FUT9: variants seen among roughly 807,000 people sequenced by gnomAD.
FUT9 encodes the protein fucosyltransferase 9.
In FUT9, 15 loss-of-function variants were observed where a neutral mutation model predicts 29.7. That is an observed-to-expected ratio of 0.51 (90% CI 0.34 to 0.78). FUT9 has a LOEUF of 0.78. Among genes scored for constraint, FUT9 ranks in the 30% least tolerant of loss-of-function variants. The pLI, the probability that FUT9 is intolerant of heterozygous loss-of-function variation, is 0.01. For synonymous variants in FUT9, 169 were observed against 153.7 expected (o/e 1.10, Z -0.74); for missense variants, 319 against 425.4 (o/e 0.75, Z 2.20).
chr6:96,053,568 G>A (rs1053970171), intron 1 of FUT9, among the ~76,000 whole-genome samples: 20 of 152,038 alleles, frequency 1.3e-4, no homozygotes, highest in Non-Finnish European at 2.2e-4. Context: ...AGTTAGCCGG[G>A]CATGGTGGCA....
At chr6:96,191,374 C>T (rs539038796) in intron 2 of FUT9, among the ~76,000 whole-genome samples, 35 of 152,012 alleles carry the variant, frequency 2.3e-4, no homozygotes, top group Non-Finnish European at 2.9e-4. Context: ...ATCAAATAGA[C>T]GCAATAAAAA....
At chr6:96,031,066 T>C (rs1167627767) in intron 1 of FUT9, among the ~76,000 whole-genome samples, 3 of 151,462 alleles carry the variant, frequency 2.0e-5, no homozygotes, top group Non-Finnish European at 3.0e-5. Flanking sequence ...AAAAGATTAA[T>C]AATCTGTTTG....
rs1773937867 is a variant in FUT9, at chr6:96,211,577, C to CTTCAAAAAAA, written c.*7342_*7343insTTCAAAAAAA. On this transcript the variant is annotated 3_prime_UTR_variant, in exon 3 of 3. Coordinates refer to ENST00000302103, the MANE Select transcript of FUT9 (RefSeq NM_006581.4). ...TATGTTAGGGTATAACTTCAATAAA[C>CTTCAAAAAAA]AGGAGTATTTATCTAGTGGTTCAGA... The CTTCAAAAAAA allele has an allele frequency of 1.2e-5, 2 of 166,512 alleles. No individual in the cohort carries two copies. Among genetic ancestry groups the CTTCAAAAAAA allele is most frequent in the South Asian group, 4.2e-4 (2 of 4,798 alleles). The allele number at this position is 166,512 out of a possible 1,614,324, so 10.3% of individuals were successfully genotyped here. A position where few individuals can be genotyped will look rare whatever the true frequency, so the allele number is the denominator to read the frequency against.
chr6:96,046,073 G>T (rs1770558148), intron 1 of FUT9, among the ~76,000 whole-genome samples: 1 of 151,870 alleles, frequency 6.6e-6, no homozygotes, highest in South Asian at 2.1e-4. Flanking sequence ...TGGCTTAAAA[G>T]ATTCCTTCAG....
intron 2 of FUT9, among the ~76,000 whole-genome samples, chr6:96,202,860 CA>C (rs1463633405): frequency 2.6e-5 from 4 of 151,990 alleles, no homozygotes; most frequent in Non-Finnish European, 4.4e-5. Flanking sequence ...TTTCTACAAG[CA>C]AATAAAAGTA....
chr6:96,131,557 G>A (rs1048849103), intron 2 of FUT9, among the ~76,000 whole-genome samples: 1 of 152,106 alleles, frequency 6.6e-6, no homozygotes, highest in Non-Finnish European at 1.5e-5. Context: ...TGAGAAGAAA[G>A]TTTTATAGAC....
chr6:96,064,125 T>G (rs1039664019), intron 1 of FUT9, among the ~76,000 whole-genome samples: 4 of 152,122 alleles, frequency 2.6e-5, no homozygotes, highest in Admixed American at 6.6e-5. Context: ...ATTACCTCAT[T>G]TTTGCTAGCT....
At position 96,207,147 on chromosome 6, in the gene FUT9, T is replaced by C. The variant is rs143227426; in HGVS notation, c.*2912T>C. 1 of 166,020 alleles carries C rather than the reference T, an allele frequency of 6.0e-6. No homozygotes were observed. The highest frequency in any genetic ancestry group is 1.5e-5 in the Non-Finnish European group (1 of 68,112). The allele number at this position is 166,020 out of a possible 1,614,324, so 10.3% of individuals were successfully genotyped here. A position where few individuals can be genotyped will look rare whatever the true frequency, so the allele number is the denominator to read the frequency against. On this transcript the variant is annotated 3_prime_UTR_variant, in exon 3 of 3. Transcript: ENST00000302103. Reference sequence around the variant, plus strand: ...TTTGTTGTTTATAATTGCTATAATATAGAAATTATAATTGCTTTTCTTTCT... The same window carrying C: ...TTTGTTGTTTATAATTGCTATAATACAGAAATTATAATTGCTTTTCTTTCT...
chr6:96,065,135 C>T (rs571102210), intron 1 of FUT9, among the ~76,000 whole-genome samples: 8 of 152,114 alleles, frequency 5.3e-5, no homozygotes, highest in Non-Finnish European at 7.4e-5. Context: ...AGTGTCACGT[C>T]GTAACTCTTC....
chr6:96,088,056 G>A (rs1429978876), intron 1 of FUT9, among the ~76,000 whole-genome samples: 1 of 152,046 alleles, frequency 6.6e-6, no homozygotes, highest in Non-Finnish European at 1.5e-5. Context: ...TTTCTGATGA[G>A]AAATATGCTG....
At chr6:96,113,887 A>C (rs1236223593) in intron 1 of FUT9, among the ~76,000 whole-genome samples, 152 bp from the exon 2 acceptor site, 1 of 152,076 alleles carries the variant, frequency 6.6e-6, no homozygotes, top group Non-Finnish European at 1.5e-5. Context: ...CAGAAATCAC[A>C]AATAGATATC....
rs573359796 is a variant in FUT9 at position 96,103,465 on chromosome 6, G to A, written c.-97-10574G>A. On this transcript the variant is annotated intron_variant, in intron 1 of 2. Coordinates refer to ENST00000302103, the MANE Select transcript of FUT9 (RefSeq NM_006581.4). The stretch of plus-strand genomic sequence containing the variant: ...ATAATAAATAACCACAAACTGGGTG[G>A]CTTCAAACAACAAACATTTATTCTT... Among the ~76,000 whole-genome samples the A allele has an allele frequency of 1.3e-4, 20 of 152,196 alleles. No individual in the cohort carries two copies. The South Asian group carries it at 3.9e-3, about 30-fold the overall frequency.
At chr6:96,048,005 T>C (rs573674020) in intron 1 of FUT9, among the ~76,000 whole-genome samples, 35 of 152,260 alleles carry the variant, frequency 2.3e-4, no homozygotes, top group African/African-American at 7.9e-4. Context: ...TGAGGAAAAT[T>C]TGTTTCCTTG....
chr6:96,134,855 T>G (rs1772317963), intron 2 of FUT9, among the ~76,000 whole-genome samples: 1 of 151,894 alleles, frequency 6.6e-6, no homozygotes, highest in South Asian at 2.1e-4. Flanking sequence ...TTTTTATTAG[T>G]CTTACTTAGT....
At chr6:96,199,843 G>A (rs955647808) in intron 2 of FUT9, among the ~76,000 whole-genome samples, 2 of 152,104 alleles carry the variant, frequency 1.3e-5, no homozygotes, top group African/African-American at 4.8e-5. Flanking sequence ...TTATTCATAT[G>A]AGACATACAG....
At chr6:96,062,111 G>A (rs1057128108) in intron 1 of FUT9, among the ~76,000 whole-genome samples, 2 of 152,040 alleles carry the variant, frequency 1.3e-5, no homozygotes, top group Non-Finnish European at 2.9e-5. Flanking sequence ...GATGGGTGCA[G>A]CAAAGCACCA....
intron 2 of FUT9, among the ~76,000 whole-genome samples, chr6:96,199,898 G>A (rs537757930): frequency 1.3e-5 from 2 of 152,226 alleles, no homozygotes; most frequent in African/African-American, 2.4e-5. Context: ...GGATACAGCA[G>A]TGAAGAAAAC....
At chr6:96,152,457 C>T (rs1252446999) in intron 2 of FUT9, among the ~76,000 whole-genome samples, 1 of 152,142 alleles carries the variant, frequency 6.6e-6, no homozygotes, top group Non-Finnish European at 1.5e-5. Context: ...CTGGGAAGGT[C>T]AGGGTGAGGT....
chr6:96,201,087 A>G (rs998285512), intron 2 of FUT9, among the ~76,000 whole-genome samples: 4 of 151,986 alleles, frequency 2.6e-5, no homozygotes, highest in Admixed American at 1.3e-4. Context: ...ATTTTTAAAA[A>G]AGGTGGATGG....
Sources: allele counts gnomAD v4.1 joint callset (sites outside exome capture counted in the v4.1 genomes callset), GRCh38; gene constraint gnomAD v4.1.1; transcripts MANE v1.5; gene names NCBI Gene and HGNC (gene_info 2026-07-23, HGNC 2026-07-21).